CCDC171: variants seen among roughly 807,000 people sequenced by gnomAD.
The protein encoded by CCDC171 is coiled-coil domain containing 171.
Under a neutral mutation model 168.2 loss-of-function variants are expected in CCDC171, and 177 were observed. The ratio of observed to expected loss-of-function variants is 1.05; its 90% CI spans 0.93 to 1.19. The LOEUF (loss-of-function observed/expected upper bound fraction) is 1.19, where lower values mean the gene tolerates loss of function less well. CCDC171 is among the 50% of genes most tolerant of loss of function. The pLI is 0.00. For synonymous variants in CCDC171, 687 were observed against 540.8 expected, an observed-to-expected ratio of 1.27 and a Z score of -3.75; for missense variants, 1,991 against 1,539.0, an observed-to-expected ratio of 1.29 and a Z score of -4.91.
At chr9:15,628,047 G>A in intron 7 of CCDC171, among the ~76,000 whole-genome samples, 1 of 152,084 alleles carries the variant, frequency 6.6e-6, no homozygotes, top group Non-Finnish European at 1.5e-5. Flanking sequence ...TGGGGAGGGA[G>A]CCAAGATGGC....
At chr9:16,070,659 A>G in the CCDC171 span, among the ~76,000 whole-genome samples, 1 of 152,128 alleles carries the variant, frequency 6.6e-6, no homozygotes, top group Middle Eastern at 3.2e-3. Context: ...GAAAGAGGAG[A>G]GAGGAGCCGC....
At chr9:16,031,818 T>G (rs1315241978) in intron 6 of CCDC171, among the ~76,000 whole-genome samples, 2 of 152,200 alleles carry the variant, frequency 1.3e-5, no homozygotes, top group Non-Finnish European at 2.9e-5. Context: ...GGGTAGCTAC[T>G]GGACACCATG....
At chr9:16,038,973 A>G (rs779183177), upstream of CCDC171, among the ~76,000 whole-genome samples, 52 of 152,018 alleles carry the variant, frequency 3.4e-4, no homozygotes, top group Non-Finnish European at 4.4e-4. Flanking sequence ...CACTTTTAGT[A>G]TATATATAAT....
At chr9:15,648,216 C>G (rs1446140954) in intron 7 of CCDC171, among the ~76,000 whole-genome samples, 1 of 152,280 alleles carries the variant, frequency 6.6e-6, no homozygotes, top group Non-Finnish European at 1.5e-5. Context: ...GCTAAAAACT[C>G]TCAATAAATT....
intron 1 of CCDC171, among the ~76,000 whole-genome samples, chr9:16,059,583 C>G (rs1289486714): frequency 7.1e-6 from 1 of 141,262 alleles, no homozygotes; most frequent in Non-Finnish European, 1.5e-5. Flanking sequence ...GGCGCAATCT[C>G]GGCTCACTGC....
rs1447951004 is a variant in CCDC171, at chr9:15,722,747, C to A, written c.1425+872C>A. On this transcript the variant is annotated intron_variant, in intron 12 of 25. Coordinates refer to ENST00000380701, the MANE Select transcript of CCDC171 (RefSeq NM_173550.4). ...TTTTATTTTAGCTTGCTAAGATGAA[C>A]AAAGAAGGAAAAGTGAGTCTTTTTA... Among the ~76,000 whole-genome samples the A allele has an allele frequency of 5.9e-5, 9 of 152,132 alleles. No homozygotes were observed. In the East Asian group the frequency reaches 1.7e-3, roughly 29 times the overall value.
At chr9:15,766,138 A>G (rs2056709858) in intron 18 of CCDC171, among the ~76,000 whole-genome samples, 2 of 152,150 alleles carry the variant, frequency 1.3e-5, no homozygotes, top group African/African-American at 4.8e-5. Flanking sequence ...AACCCATTAC[A>G]TGCACAGCAT....
downstream of CCDC171, among the ~76,000 whole-genome samples, chr9:15,975,654 C>G (rs1379577646): frequency 6.6e-6 from 1 of 152,120 alleles, no homozygotes; most frequent in Non-Finnish European, 1.5e-5. Context: ...TCAGCTTGAC[C>G]ATGCTATTAC....
At chr9:15,811,366 ATATAG>A (rs1353828422) in intron 21 of CCDC171, among the ~76,000 whole-genome samples, 15 of 152,336 alleles carry the variant, frequency 9.8e-5, no homozygotes, top group African/African-American at 2.9e-4. Context: ...AATATGGAAA[ATATAG>A]TATAGAAAAA....
chr9:16,069,778 C>T, the CCDC171 span, among the ~76,000 whole-genome samples: 4 of 152,196 alleles, frequency 2.6e-5, no homozygotes, highest in African/African-American at 4.8e-5. Flanking sequence ...CACACCCCCA[C>T]TCGGGTCATT....
At chr9:15,935,615 A>G (rs1212602212) in intron 25 of CCDC171, among the ~76,000 whole-genome samples, 1 of 152,100 alleles carries the variant, frequency 6.6e-6, no homozygotes, top group Non-Finnish European at 1.5e-5. Context: ...TTACAAATGT[A>G]TACCAGTTAT....
intron 3 of CCDC171, among the ~76,000 whole-genome samples, chr9:15,576,341 C>T (rs1374661290): frequency 6.6e-6 from 1 of 151,772 alleles, no homozygotes; most frequent in Admixed American, 6.6e-5. Context: ...TGCCATCACA[C>T]CTGGCTAATT....
downstream of CCDC171, among the ~76,000 whole-genome samples, chr9:16,065,954 A>G (rs1833986283): frequency 6.6e-6 from 1 of 152,152 alleles, no homozygotes; most frequent in Admixed American, 6.5e-5. Context: ...TGGTTCAGAC[A>G]GTGCAGAAAT....
At chr9:15,780,295 G>A (rs1000648969) in intron 20 of CCDC171, among the ~76,000 whole-genome samples, 1 of 151,914 alleles carries the variant, frequency 6.6e-6, no homozygotes, top group Non-Finnish European at 1.5e-5. Context: ...GCTCAGAGAA[G>A]GAAAATTTAA....
chr9:15,561,158 A>G (rs185427551), intron 1 of CCDC171, among the ~76,000 whole-genome samples: 3 of 152,130 alleles, frequency 2.0e-5, no homozygotes, highest in African/African-American at 7.2e-5. Context: ...TGGTTTCCTC[A>G]TGTATAAAGT....
Position 15,816,427 on chromosome 9 carries a change from C to G in CCDC171, c.3268-30275C>G. On this transcript the variant is annotated intron_variant, in intron 21 of 25. Coordinates refer to ENST00000380701, the MANE Select transcript of CCDC171 (RefSeq NM_173550.4). ...ATTATTAATATTTTGGCAAATAAAA[C>G]TGGAAATATGCTATGCATAGTTTCA... Among the ~76,000 whole-genome samples the G allele has an allele frequency of 3.4e-5, 4 of 118,536 alleles. 2 individuals are homozygous for G. Among genetic ancestry groups the G allele is most frequent in the Non-Finnish European group, 7.6e-5 (4 of 52,554 alleles). The allele number at this position is 118,536 out of a possible 152,430, so 77.8% of individuals were successfully genotyped here. A position where few individuals can be genotyped will look rare whatever the true frequency, so the allele number is the denominator to read the frequency against.
At chr9:15,744,234 T>G (rs1188544088) in intron 16 of CCDC171, 39 bp from the exon 17 acceptor site, 2 of 1,489,186 alleles carry the variant, frequency 1.3e-6, no homozygotes, top group Non-Finnish European at 1.8e-6. Context: ...AATGCCTGTT[T>G]GTTTCATGAT....
intron 6 of CCDC171, among the ~76,000 whole-genome samples, chr9:15,601,908 G>A (rs1037668971): frequency 6.6e-6 from 1 of 152,118 alleles, no homozygotes; most frequent in African/African-American, 2.4e-5. Flanking sequence ...TGTGATTTTG[G>A]TCTCATTTCC....
intron 24 of CCDC171, among the ~76,000 whole-genome samples, chr9:15,906,151 G>C (rs1589073284): frequency 1.3e-5 from 2 of 152,124 alleles, no homozygotes; most frequent in East Asian, 3.9e-4. Context: ...GAAAAAGAGG[G>C]AATCCTCCCT....
Sources: allele counts gnomAD v4.1 joint callset (sites outside exome capture counted in the v4.1 genomes callset), GRCh38; gene constraint gnomAD v4.1.1; transcripts MANE v1.5; gene names NCBI Gene and HGNC (gene_info 2026-07-23, HGNC 2026-07-21).